Variants in NALF1 observed in about 807,000 individuals in gnomAD.
The protein encoded by NALF1 is family with sequence similarity 155 member A.
NALF1 carries 3 observed loss-of-function variants against 48.4 expected under a neutral mutation model. That is an observed-to-expected ratio of 0.06 (90% CI 0.03 to 0.16). The LOEUF is 0.16. Among genes scored for constraint, NALF1 ranks in the 10% least tolerant of loss-of-function variants. The pLI is 1.00. For synonymous variants in NALF1, 262 were observed against 245.7 expected, an observed-to-expected ratio of 1.07 and a Z score of -0.62; for missense variants, 526 against 571.5, an observed-to-expected ratio of 0.92 and a Z score of 0.81.
At chr13:107,415,895 C>T (rs2064077351) in intron 1 of NALF1, among the ~76,000 whole-genome samples, 1 of 152,192 alleles carries the variant, frequency 6.6e-6, no homozygotes, top group African/African-American at 2.4e-5. Flanking sequence ...TTATATCCGA[C>T]ATGTAAGACC....
chr13:107,697,699 CA>C (rs1280466844), intron 1 of NALF1, among the ~76,000 whole-genome samples: 1 of 152,124 alleles, frequency 6.6e-6, no homozygotes, highest in Non-Finnish European at 1.5e-5. Flanking sequence ...ACAATATCTA[CA>C]CACAAATATG....
At chr13:107,245,727 T>C (rs1303993306) in intron 1 of NALF1, among the ~76,000 whole-genome samples, 3 of 152,236 alleles carry the variant, frequency 2.0e-5, no homozygotes, top group Non-Finnish European at 2.9e-5. Flanking sequence ...AATAACTTTC[T>C]TTCAAAAATA....
chr13:107,362,928 C>A lies in NALF1; in HGVS notation c.916-152173G>T, dbSNP rs1883090827. ...AAAGGTAGAAACTATCTTCTTATAT[C>A]CCTTTTCATAGAACTATGATGTCCC... On this transcript the variant is annotated intron_variant, in intron 1 of 2. Transcript: ENST00000375915. This position sits in a 1 kb window ranked among gnomAD's most constrained non-coding sequence, Gnocchi z 4.6. 6.6e-6 allele frequency among the ~76,000 whole-genome samples: 1 copy of A among 152,032 alleles called. No individual in the cohort carries two copies.
chr13:107,753,466 T>TCA (rs1245191091), intron 1 of NALF1, among the ~76,000 whole-genome samples: 5 of 151,958 alleles, frequency 3.3e-5, no homozygotes, highest in Non-Finnish European at 7.4e-5. Flanking sequence ...GTAAATAGTG[T>TCA]GTTTGGTCAT....
intron 1 of NALF1, among the ~76,000 whole-genome samples, chr13:107,652,882 T>G (rs968913005): frequency 3.3e-5 from 5 of 152,154 alleles, no homozygotes; most frequent in African/African-American, 1.2e-4. Flanking sequence ...TATGGAAACA[T>G]CAATGATTAG....
intron 1 of NALF1, among the ~76,000 whole-genome samples, chr13:107,635,592 T>C (rs1302054627): frequency 6.6e-6 from 1 of 152,164 alleles, no homozygotes; most frequent in African/African-American, 2.4e-5. Context: ...AGCCACTATT[T>C]ACTAGCTGAT....
chr13:107,302,117 G>T (rs1036567675), intron 1 of NALF1, among the ~76,000 whole-genome samples: 2 of 152,144 alleles, frequency 1.3e-5, no homozygotes, highest in Non-Finnish European at 2.9e-5. Flanking sequence ...ACGGGAGTGG[G>T]ACTGGTGGCT....
chr13:107,203,326 G>A (rs188573867), intron 2 of NALF1, among the ~76,000 whole-genome samples: 157 of 152,274 alleles, frequency 1.0e-3, no homozygotes, highest in African/African-American at 3.2e-3. Context: ...CCTTTGTCAC[G>A]GGTGTGTGTT....
chr13:107,502,794 T>C (rs560767504), intron 1 of NALF1, among the ~76,000 whole-genome samples: 2 of 152,342 alleles, frequency 1.3e-5, no homozygotes, highest in South Asian at 2.1e-4. Flanking sequence ...TCAGGAAATA[T>C]AGCTGAATTA....
intron 1 of NALF1, among the ~76,000 whole-genome samples, chr13:107,641,251 G>C (rs1411668630): frequency 6.6e-6 from 1 of 152,156 alleles, no homozygotes; most frequent in African/African-American, 2.4e-5. Context: ...CCAGAGGCTA[G>C]GAAGGGTCAG....
At chr13:107,857,337 TG>T (rs368006291) in intron 1 of NALF1, among the ~76,000 whole-genome samples, 1 of 152,300 alleles carries the variant, frequency 6.6e-6, no homozygotes, top group Admixed American at 6.5e-5. Context: ...AATACAAAGC[TG>T]AAAATCTAGG....
In NALF1 at chr13:107,245,897, G is replaced by A. The variant is rs568474002; in HGVS notation, c.916-35142C>T. ...GATCTGGCCCCACATCCTGAATGGA[G>A]TGTGCATGGTTCCTCCTGAATGAGC... On this transcript the variant is annotated intron_variant, in intron 1 of 2. Transcript: ENST00000375915. 5.3e-5 allele frequency among the ~76,000 whole-genome samples: 8 copies of A among 152,166 alleles called. No homozygotes were observed. In the South Asian group the frequency reaches 1.0e-3, roughly 20 times the overall value.
intron 1 of NALF1, among the ~76,000 whole-genome samples, chr13:107,711,030 G>A (rs1221205574): frequency 1.3e-5 from 2 of 151,880 alleles, no homozygotes; most frequent in African/African-American, 4.8e-5. Flanking sequence ...ATGAAAGACT[G>A]CTTCAAATAA....
intron 1 of NALF1, among the ~76,000 whole-genome samples, chr13:107,562,154 C>G (rs1452174055): frequency 6.6e-6 from 1 of 152,178 alleles, no homozygotes; most frequent in Non-Finnish European, 1.5e-5. Flanking sequence ...ACTTCAGGAT[C>G]CACTGCTCTG....
chr13:107,802,440 A>G (rs1351510107), intron 1 of NALF1, among the ~76,000 whole-genome samples: 1 of 152,308 alleles, frequency 6.6e-6, no homozygotes, highest in South Asian at 2.1e-4. Context: ...TTATTTATAA[A>G]TTATGGCCTT....
chr13:107,549,008 G>A (rs1303135171), intron 1 of NALF1, among the ~76,000 whole-genome samples: 1 of 152,012 alleles, frequency 6.6e-6, no homozygotes, highest in Admixed American at 6.6e-5. Context: ...TTAACATATT[G>A]ACTATAGATG....
intron 1 of NALF1, among the ~76,000 whole-genome samples, chr13:107,380,558 G>A (rs1260862640): frequency 6.6e-6 from 1 of 152,154 alleles, no homozygotes; most frequent in African/African-American, 2.4e-5. Flanking sequence ...CTCTTTTTCA[G>A]TGCAAAGGAC....
intron 1 of NALF1, among the ~76,000 whole-genome samples, chr13:107,248,227 A>C (rs1479071141): frequency 2.0e-5 from 3 of 152,116 alleles, no homozygotes; most frequent in Admixed American, 1.3e-4. Flanking sequence ...CATAGGGCAA[A>C]AAAAAAGGAG....
chr13:107,502,953 G>A (rs1344261290), intron 1 of NALF1, among the ~76,000 whole-genome samples: 2 of 152,136 alleles, frequency 1.3e-5, no homozygotes, highest in African/African-American at 4.8e-5. Context: ...AGTGTATCCA[G>A]CCCAAGAGGC....
Sources: gnomAD v4.1 joint callset for allele counts (sites outside exome capture counted in the v4.1 genomes callset) on GRCh38, gnomAD v4.1.1 for gene constraint, Gnocchi (gnomAD v3.1) non-coding constraint, MANE v1.5 for transcripts, NCBI Gene and HGNC (gene_info 2026-07-23, HGNC 2026-07-21) for gene names.